Variants in PLEKHD1 observed in about 807,000 individuals in gnomAD.
PLEKHD1 encodes pleckstrin homology domain-containing family D member 1.
PLEKHD1 carries 51 observed loss-of-function variants against 69.2 expected under a neutral mutation model. The ratio of observed to expected loss-of-function variants is 0.74; its 90% CI spans 0.59 to 0.93. The LOEUF (loss-of-function observed/expected upper bound fraction) is 0.93. Among genes scored for constraint, PLEKHD1 ranks in the 40% least tolerant of loss-of-function variants. The pLI, the probability that PLEKHD1 is intolerant of heterozygous loss-of-function variation, is 0.00. For missense variants in PLEKHD1, 584 were observed against 641.0 expected (o/e 0.91, Z 0.96); for synonymous variants, 236 against 244.7 (o/e 0.96, Z 0.33).
the PLEKHD1 span, among the ~76,000 whole-genome samples, chr14:69,476,898 G>T: frequency 6.6e-6 from 1 of 152,232 alleles, no homozygotes; most frequent in African/African-American, 2.4e-5. Flanking sequence ...GTTCCATGCG[G>T]CTGGGGAAGC....
chr14:69,519,504 A>G (rs1883460817), intron 6 of PLEKHD1, among the ~76,000 whole-genome samples: 1 of 152,200 alleles, frequency 6.6e-6, no homozygotes, highest in Non-Finnish European at 1.5e-5. Flanking sequence ...CAGGTAGAAA[A>G]GCACCTTATC....
the PLEKHD1 span, among the ~76,000 whole-genome samples, chr14:69,472,971 T>C: frequency 7.2e-5 from 11 of 152,290 alleles, no homozygotes; most frequent in East Asian, 2.1e-3. Flanking sequence ...CACAGGGATC[T>C]AGGTTGCATG....
intron 6 of PLEKHD1, among the ~76,000 whole-genome samples, chr14:69,515,570 G>C (rs1365472330): frequency 1.3e-5 from 2 of 152,176 alleles, no homozygotes; most frequent in African/African-American, 2.4e-5. Flanking sequence ...GGTTCTGCAG[G>C]CTTTACAGGA....
chr14:69,476,861 A>G, the PLEKHD1 span, among the ~76,000 whole-genome samples: 7 of 152,198 alleles, frequency 4.6e-5, no homozygotes, highest in Non-Finnish European at 1.0e-4. Flanking sequence ...GGCAATTTAC[A>G]AAAGAAAGAG....
chr14:69,502,002 C>T (rs889948889), intron 5 of PLEKHD1, 177 bp downstream of exon 5: 8 of 542,462 alleles, frequency 1.5e-5, no homozygotes, highest in Non-Finnish European at 2.3e-5. Context: ...TTTTGGCCAA[C>T]ATGACTGAAG....
intron 6 of PLEKHD1, 83 bp from the exon 7 acceptor site, chr14:69,522,200 G>T (rs1261884462): frequency 2.6e-5 from 33 of 1,274,964 alleles, no homozygotes. Context: ...ATCCCAGAGG[G>T]TCCCTTGGGA....
rs548694446 is a variant in PLEKHD1 at position 69,488,220 on chromosome 14, G to A, written c.149+3106G>A. On this transcript the variant is annotated intron_variant, in intron 1 of 12. Coordinates refer to ENST00000322564, the MANE Select transcript of PLEKHD1 (RefSeq NM_001161498.2). ...AATCTCAGGCCACAACCTGTACAGT[G>A]TGTAAAGATTATCTGTGCAGATGAG... Among the ~76,000 whole-genome samples the A allele has an allele frequency of 3.7e-3, 561 of 152,322 alleles. 4 individuals carry two copies. Among genetic ancestry groups the A allele is most frequent in the Non-Finnish European group, 5.0e-3 (342 of 68,036 alleles).
At chr14:69,525,559 T>A (rs55888791) in intron 8 of PLEKHD1, among the ~76,000 whole-genome samples, 1 of 152,088 alleles carries the variant, frequency 6.6e-6, no homozygotes, top group Non-Finnish European at 1.5e-5. Flanking sequence ...CATAGCTCAC[T>A]GCAGCCTCGC....
chr14:69,507,740 T>A (rs1883183696), intron 6 of PLEKHD1, among the ~76,000 whole-genome samples: 1 of 152,130 alleles, frequency 6.6e-6, no homozygotes, highest in South Asian at 2.1e-4. Context: ...TGAGACAGAG[T>A]CTTGCTCTGT....
intron 5 of PLEKHD1, chr14:69,502,624 A>G: frequency 1.6e-6 from 1 of 607,920 alleles, no homozygotes; most frequent in Non-Finnish European, 2.9e-6. Flanking sequence ...CTAGGAAAAG[A>G]AAAAGCAGGA....
chr14:69,524,911 C>G (rs1229175773), intron 8 of PLEKHD1, among the ~76,000 whole-genome samples: 1 of 152,182 alleles, frequency 6.6e-6, no homozygotes, highest in African/African-American at 2.4e-5. Context: ...AACCCCTGCT[C>G]CAAACCGCGG....
chr14:69,492,968 G>A (rs181725945), intron 1 of PLEKHD1, among the ~76,000 whole-genome samples: 25 of 152,282 alleles, frequency 1.6e-4, no homozygotes, highest in African/African-American at 5.3e-4. Context: ...CAGTCTCCCT[G>A]TGTTGCCCAG....
Position 69,485,180 on chromosome 14 carries a change from A to G in PLEKHD1, c.149+66A>G, listed in dbSNP as rs1162797895. 5 of 1,486,774 alleles carry G rather than the reference A, an allele frequency of 3.4e-6. No homozygotes were observed. In the East Asian group the frequency reaches 1.2e-4, roughly 37 times the overall value. 92.1% of individuals were successfully genotyped at this position (1,486,774 alleles called of 1,614,324 possible). On this transcript the variant is annotated intron_variant, in intron 1 of 12. Transcript: ENST00000322564. ...GAGCCTGGGCGTCGTTACCCCTCCCACCCCCTCCAGTCGCCGTCGTGCCTC... is the reference window on the plus strand; with the variant it reads ...GAGCCTGGGCGTCGTTACCCCTCCCGCCCCCTCCAGTCGCCGTCGTGCCTC...
intron 1 of PLEKHD1, among the ~76,000 whole-genome samples, chr14:69,496,545 C>A (rs1400835943): frequency 2.6e-5 from 4 of 151,926 alleles, no homozygotes; most frequent in Non-Finnish European, 5.9e-5. Flanking sequence ...TTTATTTTTG[C>A]AACAGGGTCT....
At chr14:69,496,720 TTTTTA>T (rs1161995170) in intron 1 of PLEKHD1, among the ~76,000 whole-genome samples, 2 of 149,720 alleles carry the variant, frequency 1.3e-5, no homozygotes, top group Non-Finnish European at 3.0e-5. Flanking sequence ...TTTTTTTTTT[TTTTTA>T]ATGTAGAGAC....
chr14:69,484,852 G>A lies in PLEKHD1; in HGVS notation c.-114G>A. On this transcript the variant is annotated 5_prime_UTR_variant, in exon 1 of 13. Transcript: ENST00000322564. ...CTGCAGCTCCGGGCCGGGCCGCTCT[G>A]CTTCTCTGCTCGCTGGGACGCTCTC... The A allele has an allele frequency of 7.7e-7, 1 of 1,295,790 alleles. No individual in the cohort carries two copies. Among genetic ancestry groups the A allele is most frequent in the East Asian group, 2.6e-5 (1 of 39,192 alleles). The allele number at this position is 1,295,790 out of a possible 1,614,324, so 80.3% of individuals were successfully genotyped here.
At chr14:69,490,683 TG>T (rs1882759644) in intron 1 of PLEKHD1, among the ~76,000 whole-genome samples, 1 of 152,190 alleles carries the variant, frequency 6.6e-6, no homozygotes, top group Non-Finnish European at 1.5e-5. Context: ...CATCTTAGAC[TG>T]GATGCCAGAT....
intron 1 of PLEKHD1, among the ~76,000 whole-genome samples, chr14:69,498,588 T>TTCTCTTCTCTTCTC (rs1882943270): frequency 9.2e-6 from 1 of 108,584 alleles, no homozygotes; most frequent in African/African-American, 3.6e-5. Flanking sequence ...TTCTTTTTGT[T>TTCTCTTCTCTTCTC]TTCTCTTCTC....
Position 69,514,950 on chromosome 14 carries a change from C to T in PLEKHD1, c.556-7333C>T, listed in dbSNP as rs149030654. Among the ~76,000 whole-genome samples the T allele has an allele frequency of 3.6e-3, 549 of 152,278 alleles. 1 individual carries two copies. The highest frequency in any genetic ancestry group is 0.012 in the African/African-American group (514 of 41,558). On this transcript the variant is annotated intron_variant, in intron 6 of 12. Transcript: ENST00000322564. Reference sequence around the variant, plus strand: ...GGCCTCAGGCACAGTGTAATCCCAGCACTTTGAAAGGCCAAGGCAGTTGGA... The same window carrying T: ...GGCCTCAGGCACAGTGTAATCCCAGTACTTTGAAAGGCCAAGGCAGTTGGA...
Sources: gnomAD v4.1 joint callset for allele counts (sites outside exome capture counted in the v4.1 genomes callset) on GRCh38, gnomAD v4.1.1 for gene constraint, MANE v1.5 for transcripts, NCBI Gene and HGNC (gene_info 2026-07-23, HGNC 2026-07-21) for gene names.